ANKS1B: variants seen among roughly 807,000 people sequenced by gnomAD.
ANKS1B encodes the protein ankyrin repeat and sterile alpha motif domain-containing protein 1B.
In ANKS1B, 36 loss-of-function variants were observed where a neutral mutation model predicts 148.3. The ratio of observed to expected loss-of-function variants is 0.24; its 90% CI spans 0.19 to 0.32. ANKS1B has a LOEUF of 0.32. ANKS1B is among the 10% of genes least tolerant of loss of function. The pLI is 1.00. For synonymous variants in ANKS1B, 542 were observed against 560.8 expected (o/e 0.97, Z 0.47); for missense variants, 1,157 against 1,542.6 (o/e 0.75, Z 4.19).
chr12:98,935,907 C>T (rs1458308595), intron 17 of ANKS1B, among the ~76,000 whole-genome samples: 1 of 152,024 alleles, frequency 6.6e-6, no homozygotes, highest in Non-Finnish European at 1.5e-5. Context: ...ACTTAGGTGG[C>T]CTTAAATAAA....
chr12:99,087,798 T>C (rs1403189835), intron 15 of ANKS1B, among the ~76,000 whole-genome samples: 1 of 152,208 alleles, frequency 6.6e-6, no homozygotes, highest in Non-Finnish European at 1.5e-5. Flanking sequence ...GAATATCCCA[T>C]AGTGTGCATA....
rs1325821116 is a variant in ANKS1B at position 98,745,732 on chromosome 12, G to C, written c.*7C>G. 1 of 1,613,334 alleles carries C rather than the reference G, an allele frequency of 6.2e-7. No individual in the cohort carries two copies. The highest frequency in any genetic ancestry group is 2.2e-5 in the East Asian group (1 of 44,850). On this transcript the variant is annotated 3_prime_UTR_variant, in exon 27 of 27. Coordinates refer to ENST00000683438, the MANE Select transcript of ANKS1B (RefSeq NM_001352186.2). ...AAGGCACCGCGAGGACAGGAGGACG[G>C]CGAGTATCAGAAAATCGTGGTTTCA...
intron 25 of ANKS1B, among the ~76,000 whole-genome samples, chr12:98,761,608 G>T (rs1161572260): frequency 1.3e-5 from 2 of 152,024 alleles, no homozygotes; most frequent in African/African-American, 4.8e-5. Flanking sequence ...TTGTGTGTAT[G>T]TATATATATA....
intron 9 of ANKS1B, among the ~76,000 whole-genome samples, chr12:99,545,238 A>T (rs1476952674): frequency 6.6e-6 from 1 of 152,142 alleles, no homozygotes; most frequent in Admixed American, 6.6e-5. Flanking sequence ...TTCCCAAATG[A>T]CATTTATATA....
chr12:99,068,698 G>T (rs547178744), intron 16 of ANKS1B, among the ~76,000 whole-genome samples: 114 of 126,316 alleles, frequency 9.0e-4, no homozygotes, highest in African/African-American at 3.0e-3. Flanking sequence ...GGGAGGGGTG[G>T]GGGGCAGAGA....
intron 9 of ANKS1B, among the ~76,000 whole-genome samples, chr12:99,551,496 T>C (rs939243386): frequency 4.5e-5 from 6 of 133,586 alleles, no homozygotes; most frequent in Non-Finnish European, 9.2e-5. Context: ...ATTCTTAGGA[T>C]ATGTTTACTA....
chr12:98,773,031 TG>T lies in ANKS1B; in HGVS notation c.3579+10del, dbSNP rs753366903. ...AAGTCTTTAATCTGTTGAAAGGGGG[TG>T]GGTACTCACCACATCAAAGGCAGTA... is the stretch of plus-strand genomic sequence containing the variant. On this transcript the variant is annotated intron_variant, in intron 25 of 26. Transcript: ENST00000683438. 1.9e-6 allele frequency: 3 copies of T among 1,613,692 alleles called. No homozygotes were observed. The South Asian group carries it at 3.3e-5, about 18-fold the overall frequency.
intron 1 of ANKS1B, among the ~76,000 whole-genome samples, chr12:99,873,756 T>G (rs1057055839): frequency 7.2e-5 from 11 of 152,164 alleles, no homozygotes; most frequent in African/African-American, 2.7e-4. Context: ...TAAATGAGAA[T>G]AACACTAAAT....
chr12:99,944,094 C>G (rs139718481), intron 1 of ANKS1B, among the ~76,000 whole-genome samples: 46 of 152,208 alleles, frequency 3.0e-4, no homozygotes, highest in African/African-American at 1.1e-3. Flanking sequence ...TCATCAGCCC[C>G]TAAACTTCAA....
At chr12:99,143,630 T>A (rs2071832216) in intron 15 of ANKS1B, among the ~76,000 whole-genome samples, 1 of 152,132 alleles carries the variant, frequency 6.6e-6, no homozygotes, top group South Asian at 2.1e-4. Flanking sequence ...ATGTGGTGTC[T>A]CCTGCATGAA....
intron 17 of ANKS1B, among the ~76,000 whole-genome samples, chr12:98,873,434 TG>T (rs1273200611): frequency 6.6e-6 from 1 of 152,218 alleles, no homozygotes; most frequent in African/African-American, 2.4e-5. Flanking sequence ...TGGTCATATT[TG>T]TTTGTTGAGA....
At chr12:98,772,939 G>A (rs1402800292) in intron 25 of ANKS1B, 103 bp downstream of exon 25, 2 of 1,341,310 alleles carry the variant, frequency 1.5e-6, no homozygotes, top group Non-Finnish European at 2.1e-6. Flanking sequence ...TTAATACCGG[G>A]TAAACAAGCC....
At chr12:99,494,732 C>CAAAAAAAAAAAAAAAAAAAAAAAAAAA (rs59115173) in intron 10 of ANKS1B, among the ~76,000 whole-genome samples, 1 of 55,998 alleles carries the variant, frequency 1.8e-5, no homozygotes, top group Non-Finnish European at 3.2e-5. Flanking sequence ...CACTCTGTCT[C>CAAAAAAAAAAAAAAAAAAAAAAAAAAA]AAAAAAAAAA....
At chr12:98,865,703 T>G (rs1194110830) in intron 17 of ANKS1B, among the ~76,000 whole-genome samples, 1 of 151,982 alleles carries the variant, frequency 6.6e-6, no homozygotes, top group African/African-American at 2.4e-5. Context: ...TATGCTTCAA[T>G]GAGAAGATGG....
At chr12:99,130,872 G>A (rs1195711882) in intron 15 of ANKS1B, among the ~76,000 whole-genome samples, 1 of 151,896 alleles carries the variant, frequency 6.6e-6, no homozygotes, top group South Asian at 2.1e-4. Flanking sequence ...TATTTCCTCT[G>A]CCCAGATATT....
At chr12:99,483,215 G>A (rs974950370) in intron 10 of ANKS1B, among the ~76,000 whole-genome samples, 5 of 151,674 alleles carry the variant, frequency 3.3e-5, no homozygotes, top group South Asian at 2.1e-4. Context: ...ACAAAAGTAT[G>A]CTGGATTTTG....
chr12:99,510,615 A>G (rs1451143107), intron 9 of ANKS1B, among the ~76,000 whole-genome samples: 1 of 152,012 alleles, frequency 6.6e-6, no homozygotes, highest in East Asian at 1.9e-4. Flanking sequence ...GTGGTTTAAG[A>G]TGAAATACAC....
intron 16 of ANKS1B, among the ~76,000 whole-genome samples, chr12:99,080,251 G>A (rs531134939): frequency 1.3e-5 from 2 of 152,208 alleles, no homozygotes; most frequent in Admixed American, 6.5e-5. Flanking sequence ...ATTGTCAATA[G>A]TATCAGAGTC....
chr12:98,830,940 ATTTTTTTTTTTTTTT>A (rs762642387), intron 18 of ANKS1B: 1 of 45,528 alleles, frequency 2.2e-5, no homozygotes, highest in Non-Finnish European at 3.8e-5. Flanking sequence ...CTACCTCATA[ATTTTTTTTTTTTTTT>A]TTTTTTTTTT....
Sources: allele counts gnomAD v4.1 joint callset (sites outside exome capture counted in the v4.1 genomes callset), GRCh38; gene constraint gnomAD v4.1.1; transcripts MANE v1.5; gene names NCBI Gene and HGNC (gene_info 2026-07-23, HGNC 2026-07-21).